TMEM242: variants seen among roughly 807,000 people sequenced by gnomAD.
TMEM242 encodes transmembrane protein 242.
TMEM242 carries 10 observed loss-of-function variants against 18.2 expected under a neutral mutation model. That is an observed-to-expected ratio of 0.55 (90% confidence interval 0.34 to 0.93). The LOEUF is 0.93. Ranked by LOEUF, TMEM242 falls within the 40% of genes least tolerant of loss-of-function variation. The probability of loss-of-function intolerance (pLI) is 0.02; values close to 1 mark genes in which losing one functional copy is unlikely to be tolerated. For missense variants in TMEM242, 186 were observed against 175.5 expected, an observed-to-expected ratio of 1.06 and a Z score of -0.34; for synonymous variants, 57 against 69.9, an observed-to-expected ratio of 0.81 and a Z score of 0.92.
intron 3 of TMEM242, among the ~76,000 whole-genome samples, chr6:157,309,679 C>CCG (rs1554248157): frequency 6.6e-6 from 1 of 152,174 alleles, no homozygotes; most frequent in African/African-American, 2.4e-5. Context: ...GCATGAGCCA[C>CCG]CGCCCACCTA....
chr6:157,296,616 G>T (rs2128412836), intron 3 of TMEM242, among the ~76,000 whole-genome samples: 1 of 152,332 alleles, frequency 6.6e-6, no homozygotes, highest in Non-Finnish European at 1.5e-5. Context: ...CCAGAAAGTG[G>T]AGGTTGCAAT....
At position 157,292,857 on chromosome 6, in the gene TMEM242, A is replaced by C; in HGVS notation, c.*44T>G. 6.7e-7 allele frequency: 1 copy of C among 1,502,948 alleles called. No homozygotes were observed. Among genetic ancestry groups the C allele is most frequent in the South Asian group, 1.1e-5 (1 of 88,706 alleles). 93.1% of individuals were successfully genotyped at this position (1,502,948 alleles called of 1,614,324 possible). On this transcript the variant is annotated 3_prime_UTR_variant, in exon 4 of 4. Coordinates refer to ENST00000400788, the MANE Select transcript of TMEM242 (RefSeq NM_018452.6). ...TTGCTGTCATGGTGTCTCCAGAGCC[A>C]CCCCTTTCTGTAACAAGCATTTTGA... is the stretch of plus-strand genomic sequence containing the variant.
chr6:157,289,113 C>G lies in TMEM242; in HGVS notation c.*3788G>C, dbSNP rs1452659877. On this transcript the variant is annotated 3_prime_UTR_variant, in exon 4 of 4. Coordinates refer to ENST00000400788, the MANE Select transcript of TMEM242 (RefSeq NM_018452.6). Reference sequence around the variant, plus strand: ...TCAAACAGTAATGAAACAAAGGCCTCGAGCCAGCTTCTCTAAGAAATATAA... The same window carrying G: ...TCAAACAGTAATGAAACAAAGGCCTGGAGCCAGCTTCTCTAAGAAATATAA... Among the ~76,000 whole-genome samples, 1 of 150,582 alleles carries G rather than the reference C, an allele frequency of 6.6e-6. No individual in the cohort carries two copies. Among genetic ancestry groups the G allele is most frequent in the Non-Finnish European group, 1.5e-5 (1 of 67,926 alleles).
intron 3 of TMEM242, among the ~76,000 whole-genome samples, chr6:157,306,751 C>A (rs587700288): frequency 2.6e-4 from 39 of 152,252 alleles, no homozygotes; most frequent in African/African-American, 9.1e-4. Flanking sequence ...GAAGTTACAA[C>A]AGCCAAACTG....
intron 3 of TMEM242, among the ~76,000 whole-genome samples, chr6:157,312,911 C>A (rs202138759): frequency 8.5e-6 from 1 of 116,960 alleles, no homozygotes; most frequent in Non-Finnish European, 1.9e-5. Context: ...CCACTGTGCG[C>A]TCACCCGGCA....
At chr6:157,317,953 A>G (rs113923141) in intron 3 of TMEM242, among the ~76,000 whole-genome samples, 2 of 152,222 alleles carry the variant, frequency 1.3e-5, no homozygotes, top group African/African-American at 2.4e-5. Context: ...TCCGGTCCAC[A>G]GAACTTCCAA....
Position 157,322,727 on chromosome 6 carries a change from T to C in TMEM242, c.167A>G (p.Lys56Arg), listed in dbSNP as rs781861715. 2 of 1,613,862 alleles carry C rather than the reference T, an allele frequency of 1.2e-6. No individual in the cohort carries two copies. Among genetic ancestry groups the C allele is most frequent in the African/African-American group, 1.3e-5 (1 of 74,932 alleles). ...AACCTTATTGAACCATTCAGGGCTT[T>C]TCTTTTTAGCCAATGATAATGTTGT... ...FITTLSLAKKKSPEWFNKGSM... is the reference protein window; with the variant it reads ...FITTLSLAKKRSPEWFNKGSM... Residue 56 changes from lysine to arginine, a missense_variant, in exon 2 of 4, where the codon AAA (lysine) becomes AGA (arginine). By Grantham distance (26) the Lys-to-Arg change is conservative. Coordinates refer to ENST00000400788, the MANE Select transcript of TMEM242 (RefSeq NM_018452.6).
chr6:157,316,691 A>G (rs1457494464), intron 3 of TMEM242, among the ~76,000 whole-genome samples: 1 of 152,092 alleles, frequency 6.6e-6, no homozygotes, highest in East Asian at 1.9e-4. Context: ...CCTGGGCAAC[A>G]TAATGAGACC....
At chr6:157,297,849 A>G (rs782025439) in intron 3 of TMEM242, among the ~76,000 whole-genome samples, 3 of 152,336 alleles carry the variant, frequency 2.0e-5, no homozygotes, top group Admixed American at 2.0e-4. Context: ...GCGAATGTGA[A>G]TTTTTACATC....
In TMEM242 at chr6:157,312,308, A is replaced by AAATGGCC. The variant is rs1562384521; in HGVS notation, c.327+6473_327+6474insGGCCATT. On this transcript the variant is annotated intron_variant, in intron 3 of 3. Coordinates refer to ENST00000400788, the MANE Select transcript of TMEM242 (RefSeq NM_018452.6). ...CAACATAGTGCCCCAGTGTGCGTTG[A>AAATGGCC]TCTGACCTCATTATAGTGCCCCAGT... Among the ~76,000 whole-genome samples the AAATGGCC allele has an allele frequency of 4.8e-4, 73 of 152,114 alleles. 1 individual carries two copies. Among genetic ancestry groups the AAATGGCC allele is most frequent in the African/African-American group, 1.7e-3 (72 of 41,424 alleles).
intron 2 of TMEM242, 123 bp from the exon 3 acceptor site, chr6:157,319,042 G>A: frequency 9.8e-7 from 1 of 1,016,006 alleles, no homozygotes; most frequent in Non-Finnish European, 1.3e-6. Context: ...ATCAACCCAA[G>A]GTCTAATTCT....
At chr6:157,312,391 A>AACGCAGTATCCACTCAC (rs1778181148) in intron 3 of TMEM242, among the ~76,000 whole-genome samples, 1 of 17,462 alleles carries the variant, frequency 5.7e-5, no homozygotes, top group African/African-American at 2.1e-4. Context: ...TCATCATAGT[A>AACGCAGTATCCACTCAC]CCGCAGTATC....
intron 3 of TMEM242, among the ~76,000 whole-genome samples, chr6:157,303,249 CTGAG>C (rs1487982099): frequency 9.2e-5 from 14 of 152,122 alleles, no homozygotes; most frequent in African/African-American, 1.4e-4. Context: ...AACTGTAGAG[CTGAG>C]TGAGTAAGGC....
At position 157,294,681 on chromosome 6, in the gene TMEM242, A is replaced by G. The variant is rs375342807; in HGVS notation, c.328-1682T>C. Among the ~76,000 whole-genome samples the G allele has an allele frequency of 1.2e-4, 18 of 152,254 alleles. No individual in the cohort carries two copies. The South Asian group carries it at 1.7e-3, about 14-fold the overall frequency. On this transcript the variant is annotated intron_variant, in intron 3 of 3. Transcript: ENST00000400788. ...CATTTCTTAGAGTGGTTATTTTGAG[A>G]ATCAGCTAATATTTCTTTAATGTCG...
chr6:157,293,062 A>G, intron 3 of TMEM242, 63 bp from the exon 4 acceptor site: 1 of 1,280,086 alleles, frequency 7.8e-7, no homozygotes, highest in South Asian at 1.2e-5. Context: ...GCTATTAGAG[A>G]TGGCACCTTT....
Position 157,289,848 on chromosome 6 carries a change from C to T in TMEM242, c.*3053G>A, listed in dbSNP as rs1583552873. The T allele has an allele frequency of 2.0e-5, 3 of 151,686 alleles. No homozygotes were observed. The highest frequency in any genetic ancestry group is 6.6e-5 in the Admixed American group (1 of 15,206). The allele number at this position is 151,686 out of a possible 1,614,324, so 9.4% of individuals were successfully genotyped here. A position where few individuals can be genotyped will look rare whatever the true frequency, so the allele number is the denominator to read the frequency against. On this transcript the variant is annotated 3_prime_UTR_variant, in exon 4 of 4. Coordinates refer to ENST00000400788, the MANE Select transcript of TMEM242 (RefSeq NM_018452.6). Reference sequence around the variant, plus strand: ...GACTAAGCAGGCAAAGTGCCCTTAACGCCAGCCTGGGCCCATGCCCTGACG... The same window carrying T: ...GACTAAGCAGGCAAAGTGCCCTTAATGCCAGCCTGGGCCCATGCCCTGACG...
intron 3 of TMEM242, among the ~76,000 whole-genome samples, chr6:157,293,422 G>A (rs1554246969): frequency 1.3e-5 from 2 of 152,020 alleles, no homozygotes; most frequent in Non-Finnish European, 2.9e-5. Context: ...GTCCTAAACC[G>A]TCAACTCTCC....
rs1778530576 is a variant in TMEM242, at chr6:157,323,483, G to A, written c.17C>T (p.Ala6Val). 1 of 1,613,812 alleles carries A rather than the reference G, an allele frequency of 6.2e-7. No homozygotes were observed. ...CCCAGAGGCCGGCTGCCCAGTTGCAGCGCCCGCTGTCTCCATGTTTAGGTC... is the reference window on the plus strand; with the variant it reads ...CCCAGAGGCCGGCTGCCCAGTTGCAACGCCCGCTGTCTCCATGTTTAGGTC... METAG[A>V]ATGQPASGLE... The change falls in exon 1 of 4, where the codon GCT (alanine) becomes GTT (valine). Residue 6 changes from alanine to valine, a missense_variant. Physicochemically the swap from Ala to Val is moderately conservative, Grantham distance 64. Transcript: ENST00000400788.
chr6:157,319,592 C>T (rs1778461107), intron 2 of TMEM242, among the ~76,000 whole-genome samples: 1 of 152,228 alleles, frequency 6.6e-6, no homozygotes, highest in Non-Finnish European at 1.5e-5. Context: ...TGCTTTTCAA[C>T]TCCCAGTTGT....
Sources: gnomAD v4.1 joint callset for allele counts (sites outside exome capture counted in the v4.1 genomes callset) on GRCh38, gnomAD v4.1.1 for gene constraint, MANE v1.5 for transcripts, NCBI Gene and HGNC (gene_info 2026-07-23, HGNC 2026-07-21) for gene names.